Variants in BMPER observed in about 807,000 individuals in gnomAD.
BMPER encodes BMP-binding endothelial regulator protein.
A neutral mutation model predicts 87.3 loss-of-function variants in BMPER; 45 were observed. That is an observed-to-expected ratio of 0.52 (90% CI 0.41 to 0.66). The LOEUF (loss-of-function observed/expected upper bound fraction) is 0.66. Ranked by LOEUF, BMPER falls within the 30% of genes least tolerant of loss-of-function variation. The pLI is 0.00. For missense variants in BMPER, 784 were observed against 867.5 expected (o/e 0.90, Z 1.21); for synonymous variants, 326 against 316.2 (o/e 1.03, Z -0.33).
At chr7:34,042,268 C>T (rs762565457) in intron 6 of BMPER, among the ~76,000 whole-genome samples, 28 of 152,006 alleles carry the variant, frequency 1.8e-4, no homozygotes, top group Non-Finnish European at 4.1e-4. Context: ...AACAAATGAC[C>T]ATCTCTCTAA....
chr7:34,039,288 A>G (rs1273991066), intron 6 of BMPER, among the ~76,000 whole-genome samples: 1 of 152,204 alleles, frequency 6.6e-6, no homozygotes, highest in Admixed American at 6.5e-5. Context: ...GGACAGAGGC[A>G]TTTAATTCAT....
intron 2 of BMPER, among the ~76,000 whole-genome samples, chr7:33,924,690 C>G (rs554181944): frequency 7.2e-5 from 11 of 152,272 alleles, no homozygotes; most frequent in Admixed American, 4.6e-4. Context: ...GAGGGGAGGA[C>G]GAAGTCTTGC....
chr7:34,029,264 G>C (rs144536773), intron 6 of BMPER, among the ~76,000 whole-genome samples: 14 of 152,152 alleles, frequency 9.2e-5, no homozygotes, highest in Non-Finnish European at 1.8e-4. Context: ...GAAAATAGAT[G>C]ATTGGGAAAG....
chr7:34,083,478 A>G (rs1194404942), intron 12 of BMPER, among the ~76,000 whole-genome samples: 2 of 152,144 alleles, frequency 1.3e-5, no homozygotes, highest in Admixed American at 6.5e-5. Flanking sequence ...TTTTTGGTCT[A>G]AGAATGTTTC....
intron 3 of BMPER, among the ~76,000 whole-genome samples, chr7:33,950,362 C>G (rs891696274): frequency 6.6e-6 from 1 of 152,154 alleles, no homozygotes; most frequent in Non-Finnish European, 1.5e-5. Flanking sequence ...TACTAGTTTT[C>G]TATTGATAGA....
At chr7:34,123,763 T>C (rs1380175005) in intron 13 of BMPER, among the ~76,000 whole-genome samples, 1 of 152,250 alleles carries the variant, frequency 6.6e-6, no homozygotes, top group Non-Finnish European at 1.5e-5. Flanking sequence ...GTTTATATTC[T>C]AAGAATAGGG....
Position 34,055,322 on chromosome 7 carries a change from A to G in BMPER, c.927+19A>G. On this transcript the variant is annotated intron_variant, in intron 9 of 14. Coordinates refer to ENST00000649409, the MANE Select transcript of BMPER (RefSeq NM_001365308.1). ...TTTCCAGGTATGTCATGAGACAAGC[A>G]CATGGGAACTCCTGTATTACTACGC... is the stretch of plus-strand genomic sequence containing the variant. 6.2e-7 allele frequency: 1 copy of G among 1,613,670 alleles called. No individual in the cohort carries two copies.
intron 7 of BMPER, 59 bp from the exon 8 acceptor site, chr7:34,051,802 G>T: frequency 7.1e-7 from 1 of 1,415,822 alleles, no homozygotes; most frequent in South Asian, 1.2e-5. Context: ...AATCACCGAT[G>T]ACAAAATGGG....
At chr7:33,995,952 G>A (rs569876369) in intron 6 of BMPER, among the ~76,000 whole-genome samples, 25 of 152,248 alleles carry the variant, frequency 1.6e-4, no homozygotes, top group African/African-American at 5.3e-4. Context: ...TCTGCTCCTC[G>A]AGCAAATAAG....
intron 6 of BMPER, among the ~76,000 whole-genome samples, chr7:34,037,892 C>T: frequency 6.6e-6 from 1 of 152,126 alleles, no homozygotes; most frequent in East Asian, 1.9e-4. Context: ...GCCATAAGAC[C>T]AGGATTTAAA....
intron 3 of BMPER, 103 bp from the exon 4 acceptor site, chr7:33,966,376 C>T (rs149147375): frequency 2.5e-5 from 25 of 988,152 alleles, no homozygotes; most frequent in Non-Finnish European, 3.3e-5. Flanking sequence ...TTCCTTTGAT[C>T]GCTAATCTGG....
At chr7:34,071,281 A>C (rs758165220) in intron 11 of BMPER, among the ~76,000 whole-genome samples, 1 of 152,216 alleles carries the variant, frequency 6.6e-6, no homozygotes, top group African/African-American at 2.4e-5. Context: ...CAAATGAATA[A>C]TGACTACTCT....
At chr7:33,965,277 C>G (rs1785377736) in intron 3 of BMPER, among the ~76,000 whole-genome samples, 1 of 152,146 alleles carries the variant, frequency 6.6e-6, no homozygotes, top group South Asian at 2.1e-4. Flanking sequence ...TATTACTGAG[C>G]CCTTTTCAAT....
At chr7:33,948,457 C>G (rs867877436) in intron 3 of BMPER, among the ~76,000 whole-genome samples, 10 of 152,172 alleles carry the variant, frequency 6.6e-5, no homozygotes, top group African/African-American at 2.2e-4. Context: ...CTGACTCCCA[C>G]TGTCCCATTC....
intron 11 of BMPER, among the ~76,000 whole-genome samples, chr7:34,065,199 A>ACTCTCTCT (rs372015069): frequency 0.011 from 1,053 of 93,806 alleles, 17 homozygotes; most frequent in African/African-American, 0.019. Context: ...ACACATACAC[A>ACTCTCTCT]CTCACTCTCT....
intron 6 of BMPER, among the ~76,000 whole-genome samples, chr7:34,024,374 AAAAAAAAACAATATATATAT>A (rs1787285833): frequency 1.1e-5 from 1 of 91,218 alleles, no homozygotes; most frequent in African/African-American, 5.3e-5. Context: ...AAAAAAAAAA[AAAAAAAAACAATATATATAT>A]ATATATATAT....
At chr7:34,017,569 G>A (rs1275507032) in intron 6 of BMPER, among the ~76,000 whole-genome samples, 1 of 151,942 alleles carries the variant, frequency 6.6e-6, no homozygotes, top group Non-Finnish European at 1.5e-5. Context: ...GGGAGCTACA[G>A]TTCAAGATGA....
chr7:34,139,099 G>A (rs1790797840), intron 13 of BMPER, among the ~76,000 whole-genome samples: 1 of 152,176 alleles, frequency 6.6e-6, no homozygotes, highest in Admixed American at 6.5e-5. Context: ...AATAACAATT[G>A]TTTTGTCCCT....
At chr7:34,059,815 A>G (rs569218436) in intron 10 of BMPER, among the ~76,000 whole-genome samples, 3 of 150,454 alleles carry the variant, frequency 2.0e-5, no homozygotes, top group African/African-American at 7.3e-5. Context: ...GCTACTGCAT[A>G]TTCTCTTTTT....
Sources: gnomAD v4.1 joint callset for allele counts (sites outside exome capture counted in the v4.1 genomes callset) on GRCh38, gnomAD v4.1.1 for gene constraint, MANE v1.5 for transcripts, NCBI Gene and HGNC (gene_info 2026-07-23, HGNC 2026-07-21) for gene names.